Variants in CPNE7 observed in about 807,000 individuals in gnomAD.
CPNE7 encodes copine-7.
A neutral mutation model predicts 66.5 loss-of-function variants in CPNE7; 78 were observed. The observed-to-expected ratio is 1.17, with a 90% CI of 0.98 to 1.42. The LOEUF is 1.42. CPNE7 is among the 40% of genes most tolerant of loss of function. The pLI is 0.00. For synonymous variants in CPNE7, 468 were observed against 336.7 expected (o/e 1.39, Z -4.27); for missense variants, 1,012 against 776.6 (o/e 1.30, Z -3.60).
In CPNE7 at chr16:89,591,051, G is replaced by A; in HGVS notation, c.1161G>A (p.Glu387=). ...FAINFNPEDD[E]CEGIQGVVEA... Reference sequence around the variant, plus strand: ...TCAATTTCAACCCTGAGGACGATGAGTGTGAAGGTAGGAGCTCGAGGCAGG... The same window carrying A: ...TCAATTTCAACCCTGAGGACGATGAATGTGAAGGTAGGAGCTCGAGGCAGG... Residue 387 remains glutamate (E), a synonymous_variant, in exon 12 of 15, where the codon GAG becomes GAA. Coordinates refer to ENST00000319518, the MANE Select transcript of CPNE7 (RefSeq NM_153636.3). The A allele has an allele frequency of 1.2e-6, 2 of 1,613,774 alleles. No individual in the cohort carries two copies. Among genetic ancestry groups the A allele is most frequent in the South Asian group, 2.2e-5 (2 of 91,084 alleles).
rs150763135 is a variant in CPNE7, at chr16:89,588,694, C to T, written c.947C>T (p.Ala316Val). ...IHFTVAIDFTASNGDPRNSCS... is the reference protein window; with the variant it reads ...IHFTVAIDFTVSNGDPRNSCS... The stretch of plus-strand genomic sequence containing the variant: ...CTGCAGGTGGCCATTGACTTCACCG[C>T]CTCCAATGGAGACCCGCGGAACAGC... The change falls in exon 10 of 15, where the codon GCC becomes GTC. Residue 316 changes from alanine to valine, a missense_variant. Ala to Val is a moderately conservative substitution (Grantham distance 64, BLOSUM62 0). Transcript: ENST00000319518. 6 of 1,613,254 alleles carry T rather than the reference C, an allele frequency of 3.7e-6. No homozygotes were observed. The African/African-American group carries it at 8.0e-5, about 22-fold the overall frequency.
chr16:89,583,227 G>A (rs440729), intron 2 of CPNE7, among the ~76,000 whole-genome samples: 109,735 of 152,166 alleles, frequency 0.72, 40,548 homozygotes, highest in Middle Eastern at 0.88. Context: ...CCTTTCTGCC[G>A]CCCGTGGCTA....
chr16:89,581,626 G>A (rs536827186), intron 2 of CPNE7, among the ~76,000 whole-genome samples: 2 of 152,192 alleles, frequency 1.3e-5, no homozygotes, highest in African/African-American at 2.4e-5. Flanking sequence ...AGGATGGCAC[G>A]GACACAGAAA....
At position 89,589,754 on chromosome 16, in the gene CPNE7, C is replaced by T. The variant is rs139901937; in HGVS notation, c.1062-143C>T. On this transcript the variant is annotated intron_variant, in intron 10 of 14. Coordinates refer to ENST00000319518, the MANE Select transcript of CPNE7 (RefSeq NM_153636.3). ...TCTGCTGCCCTGAGCCTCGGTTCCC[C>T]ACCTCTGGCAGGTGCTTACTGCCGT... The T allele has an allele frequency of 9.6e-3, 7,881 of 821,370 alleles. 671 individuals carry two copies. In the Admixed American group the frequency reaches 0.15, roughly 16 times the overall value. 50.9% of individuals were successfully genotyped at this position (821,370 alleles called of 1,614,324 possible). A position where few individuals can be genotyped will look rare whatever the true frequency, so the allele number is the denominator to read the frequency against.
Position 89,585,464 on chromosome 16 carries a change from G to A in CPNE7, c.592G>A (p.Val198Met). The A allele has an allele frequency of 6.2e-7, 1 of 1,610,522 alleles. No individual in the cohort carries two copies. Among genetic ancestry groups the A allele is most frequent in the Non-Finnish European group, 8.5e-7 (1 of 1,178,502 alleles). ...TGAGCCAGCCCCTCCCGGCCCACAGGTGGTGAAGAACAACCTGAACCCGGT... is the reference window on the plus strand; with the variant it reads ...TGAGCCAGCCCCTCCCGGCCCACAGATGGTGAAGAACAACCTGAACCCGGT... ...QGLQLVYRTEVVKNNLNPVWE... is the reference protein window; with the variant it reads ...QGLQLVYRTEMVKNNLNPVWE... Residue 198 changes from valine (V) to methionine (M), a missense_variant and splice_region_variant, in exon 6 of 15, where the codon GTG becomes ATG. Val to Met is a conservative substitution (Grantham distance 21). Transcript: ENST00000319518.
At chr16:89,596,052 G>A (rs144624000) in intron 14 of CPNE7, 286 of 448,708 alleles carry the variant, frequency 6.4e-4, no homozygotes, top group African/African-American at 5.1e-3. Context: ...ACAGCAAGAC[G>A]TGCATGCCAC....
Position 89,580,623 on chromosome 16 carries a change from CTCACCTGTCACACGGAACATCCCA to C in CPNE7, c.357+2908_357+2931del, listed in dbSNP as rs1437225042. Reference sequence around the variant, plus strand: ...CCCGTCACCCGCTGACACGGAACATCTCACCTGTCACACGGAACATCCCATCACCCGTCACATGGAACATCCCAT... The same window carrying C: ...CCCGTCACCCGCTGACACGGAACATCTCACCCGTCACATGGAACATCCCAT... On this transcript the variant is annotated intron_variant, in intron 2 of 14. Coordinates refer to ENST00000319518, the MANE Select transcript of CPNE7 (RefSeq NM_153636.3). Among the ~76,000 whole-genome samples the C allele has an allele frequency of 1.4e-3, 178 of 129,978 alleles. 6 individuals are homozygous for C. The highest frequency in any genetic ancestry group is 2.7e-3 in the Admixed American group (35 of 13,082). 85.3% of individuals were successfully genotyped at this position (129,978 alleles called of 152,430 possible).
Position 89,584,173 on chromosome 16 carries a change from C to A in CPNE7, c.507+71C>A. ...AACCGGTTCGAAAACCCGGTCCCTG[C>A]CCAGCGCTGACCTCGCGTGGCTATG... On this transcript the variant is annotated intron_variant, in intron 4 of 14. Transcript: ENST00000319518. This position sits in a 1 kb window ranked among gnomAD's most constrained non-coding sequence, Gnocchi z 6.0. The A allele has an allele frequency of 1.3e-6, 2 of 1,493,294 alleles. No individual in the cohort carries two copies. Among genetic ancestry groups the A allele is most frequent in the Non-Finnish European group, 1.8e-6 (2 of 1,090,594 alleles). The allele number at this position is 1,493,294 out of a possible 1,614,324, so 92.5% of individuals were successfully genotyped here.
intron 13 of CPNE7, 124 bp downstream of exon 13, chr16:89,591,384 G>T: frequency 7.4e-7 from 1 of 1,345,008 alleles, no homozygotes; most frequent in Non-Finnish European, 9.8e-7. Flanking sequence ...AGGCAGGACA[G>T]AGCTCAGGAG....
At position 89,588,822 on chromosome 16, in the gene CPNE7, C is replaced by G. The variant is rs377680464; in HGVS notation, c.1061+14C>G. The G allele has an allele frequency of 1.5e-4, 238 of 1,612,384 alleles. 1 individual carries two copies. In the Middle Eastern group the frequency reaches 3.3e-3, roughly 22 times the overall value. ...GGACTATGACAGGTGCGCCCACCAC[C>G]TTCCCCTCACCCCCTGGTCTCCAGG... On this transcript the variant is annotated intron_variant, in intron 10 of 14. Coordinates refer to ENST00000319518, the MANE Select transcript of CPNE7 (RefSeq NM_153636.3).
At position 89,587,781 on chromosome 16, in the gene CPNE7, G is replaced by GC. The variant is rs756738987; in HGVS notation, c.927+684dup. 158 of 19,102 alleles carry GC rather than the reference G, an allele frequency of 8.3e-3. 4 individuals are homozygous for GC. Among genetic ancestry groups the GC allele is most frequent in the East Asian group, 0.023 (18 of 774 alleles). The allele number at this position is 19,102 out of a possible 1,614,324, so 1.2% of individuals were successfully genotyped here. On this transcript the variant is annotated intron_variant, in intron 9 of 14. Transcript: ENST00000319518. ...CCCGCGTGTCACCCACAGAAACACG[G>GC]CCCCCGTGTCACCCACAGATACACG...
At chr16:89,587,672 C>CCCCGCGTCACCCATAGA (rs2059078055) in intron 9 of CPNE7, 1 of 404,138 alleles carries the variant, frequency 2.5e-6, no homozygotes, top group Non-Finnish European at 5.1e-6. Flanking sequence ...CACCCGCAGA[C>CCCCGCGTCACCCATAGA]CCCGCGTCAC....
At chr16:89,583,327 G>A (rs1198181159) in intron 2 of CPNE7, 2 of 989,610 alleles carry the variant, frequency 2.0e-6, no homozygotes, top group Non-Finnish European at 3.1e-6. Context: ...GAGAGGGTCA[G>A]GGCAGCCCTG....
chr16:89,584,225 G>A lies in CPNE7; in HGVS notation c.507+123G>A. ...CCCGTGTGAGACGTGTGCGGAGTGTGCCTGGGGCTGGGCGTGCTGCCGTCA... is the reference window on the plus strand; with the variant it reads ...CCCGTGTGAGACGTGTGCGGAGTGTACCTGGGGCTGGGCGTGCTGCCGTCA... On this transcript the variant is annotated intron_variant, in intron 4 of 14. Transcript: ENST00000319518. This position sits in a 1 kb window ranked among gnomAD's most constrained non-coding sequence, Gnocchi z 6.0. 1 of 979,348 alleles carries A rather than the reference G, an allele frequency of 1.0e-6. No individual in the cohort carries two copies. The highest frequency in any genetic ancestry group is 1.5e-6 in the Non-Finnish European group (1 of 670,752). 60.7% of individuals were successfully genotyped at this position (979,348 alleles called of 1,614,324 possible).
At position 89,584,952 on chromosome 16, in the gene CPNE7, C is replaced by A; in HGVS notation, c.591+95C>A. On this transcript the variant is annotated intron_variant, in intron 5 of 14. Coordinates refer to ENST00000319518, the MANE Select transcript of CPNE7 (RefSeq NM_153636.3). The surrounding 1 kb of genome is among the most constrained non-coding windows in gnomAD (Gnocchi z 6.0). Reference sequence around the variant, plus strand: ...CATGGGAGGAGCTCCCAGCCTCCAACAGGGAGCTGTGGGCGCAGGGCTTTG... The same window carrying A: ...CATGGGAGGAGCTCCCAGCCTCCAAAAGGGAGCTGTGGGCGCAGGGCTTTG... 8.7e-7 allele frequency: 1 copy of A among 1,144,324 alleles called. No individual in the cohort carries two copies. Among genetic ancestry groups the A allele is most frequent in the Non-Finnish European group, 1.3e-6 (1 of 775,420 alleles). The allele number at this position is 1,144,324 out of a possible 1,614,324, so 70.9% of individuals were successfully genotyped here. A position where few individuals can be genotyped will look rare whatever the true frequency, so the allele number is the denominator to read the frequency against.
intron 13 of CPNE7, among the ~76,000 whole-genome samples, chr16:89,593,239 A>T (rs1179016126): frequency 1.3e-5 from 2 of 152,132 alleles, no homozygotes; most frequent in Non-Finnish European, 2.9e-5. Flanking sequence ...TCTATTTTTA[A>T]TTTATACAGA....
rs1210607827 is a variant in CPNE7 at position 89,584,471 on chromosome 16, C to T, written c.508-303C>T. On this transcript the variant is annotated intron_variant, in intron 4 of 14. Transcript: ENST00000319518. The surrounding 1 kb of genome is among the most constrained non-coding windows in gnomAD (Gnocchi z 6.0). The stretch of plus-strand genomic sequence containing the variant: ...GGGTGGGCAGAACAGGGTCCAACCC[C>T]GCCATGTAGGGCGTCTCCCTGGAGG... Among the ~76,000 whole-genome samples, 6 of 152,172 alleles carry T rather than the reference C, an allele frequency of 3.9e-5. No homozygotes were observed. Among genetic ancestry groups the T allele is most frequent in the Admixed American group, 3.3e-4 (5 of 15,280 alleles).
intron 2 of CPNE7, among the ~76,000 whole-genome samples, chr16:89,580,952 A>C (rs1175822421): frequency 2.3e-5 from 3 of 131,666 alleles, no homozygotes; most frequent in Non-Finnish European, 4.7e-5. Context: ...ACATCCCGTC[A>C]CCCGCTGACA....
intron 2 of CPNE7, chr16:89,579,134 G>C (rs561226676): frequency 3.9e-4 from 223 of 572,188 alleles, no homozygotes; most frequent in Non-Finnish European, 5.9e-4. Flanking sequence ...ACTAAAAATA[G>C]AAAAGAAATT....
Sources: gnomAD v4.1 joint callset for allele counts (sites outside exome capture counted in the v4.1 genomes callset) on GRCh38, gnomAD v4.1.1 for gene constraint, Gnocchi (gnomAD v3.1) non-coding constraint, MANE v1.5 for transcripts, NCBI Gene and HGNC (gene_info 2026-07-23, HGNC 2026-07-21) for gene names.